Variants in L3MBTL4 observed in about 807,000 individuals in gnomAD.
The protein encoded by L3MBTL4 is lethal(3)malignant brain tumor-like protein 4.
In L3MBTL4, 70 loss-of-function variants were observed where a neutral mutation model predicts 84.5. The ratio of observed to expected loss-of-function variants is 0.83; its 90% CI spans 0.68 to 1.01. The LOEUF is 1.01. Ranked by LOEUF, L3MBTL4 falls within the 50% of genes least tolerant of loss-of-function variation. The probability of loss-of-function intolerance (pLI) is 0.00; values close to 1 mark genes in which losing one functional copy is unlikely to be tolerated. For missense variants in L3MBTL4, 715 were observed against 754.8 expected (o/e 0.95, Z 0.62); for synonymous variants, 274 against 259.8 (o/e 1.05, Z -0.52).
chr18:6,338,687 A>T (rs184554001), intron 1 of L3MBTL4, among the ~76,000 whole-genome samples: 183 of 152,166 alleles, frequency 1.2e-3, no homozygotes, highest in African/African-American at 4.2e-3. Flanking sequence ...ACTCTAATTA[A>T]AAAACCAAAA....
chr18:6,252,191 T>C (rs183192738), intron 5 of L3MBTL4, among the ~76,000 whole-genome samples: 1,881 of 152,204 alleles, frequency 0.012, 15 homozygotes, highest in South Asian at 0.027. Context: ...TGGGCACCTG[T>C]AATCCCAGCT....
intron 16 of L3MBTL4, among the ~76,000 whole-genome samples, chr18:5,980,571 A>G (rs1035999451): frequency 6.6e-6 from 1 of 151,548 alleles, no homozygotes; most frequent in African/African-American, 2.4e-5. Flanking sequence ...AGCTGGGATT[A>G]CAGGCTTGCA....
chr18:6,109,838 T>C (rs598089), intron 14 of L3MBTL4, among the ~76,000 whole-genome samples: 2 of 152,126 alleles, frequency 1.3e-5, no homozygotes, highest in African/African-American at 4.8e-5. Flanking sequence ...TTTCATTTGG[T>C]CTTTTTCTAA....
chr18:6,038,985 C>A (rs1291474281), intron 16 of L3MBTL4, among the ~76,000 whole-genome samples: 1 of 151,870 alleles, frequency 6.6e-6, no homozygotes, highest in Non-Finnish European at 1.5e-5. Flanking sequence ...CCAGAGAGCA[C>A]CTACTCTCTC....
At chr18:6,283,659 C>T (rs1180693823) in intron 4 of L3MBTL4, among the ~76,000 whole-genome samples, 9 of 152,092 alleles carry the variant, frequency 5.9e-5, no homozygotes, top group African/African-American at 1.7e-4. Context: ...TTAGTATCTC[C>T]CTAGAGTCAA....
chr18:6,196,378 T>C (rs9957058), intron 12 of L3MBTL4, among the ~76,000 whole-genome samples: 19,954 of 152,054 alleles, frequency 0.13, 1,375 homozygotes, highest in Middle Eastern at 0.2. Flanking sequence ...AGGATGGTCT[T>C]GATCTCCTGA....
intron 1 of L3MBTL4, among the ~76,000 whole-genome samples, chr18:6,316,502 TC>T (rs2051107105): frequency 6.6e-6 from 1 of 152,188 alleles, no homozygotes. Context: ...TTCTTTTCTC[TC>T]TTATCCATTA....
chr18:6,081,030 A>G (rs2058060200), intron 15 of L3MBTL4, 79 bp from the exon 16 acceptor site: 1 of 1,012,500 alleles, frequency 9.9e-7, no homozygotes, highest in Non-Finnish European at 1.5e-6. Flanking sequence ...CACAAATTTA[A>G]ATAGAAACTG....
intron 16 of L3MBTL4, among the ~76,000 whole-genome samples, chr18:5,996,373 A>T (rs1287972283): frequency 6.6e-6 from 1 of 152,240 alleles, no homozygotes; most frequent in Non-Finnish European, 1.5e-5. Context: ...GATTTGCTTC[A>T]GCCTCAAAGA....
chr18:6,121,521 CT>C (rs2059526672), intron 14 of L3MBTL4, among the ~76,000 whole-genome samples: 1 of 152,178 alleles, frequency 6.6e-6, no homozygotes, highest in South Asian at 2.1e-4. Context: ...ATTTTCATAA[CT>C]AAAGCTTTTA....
intron 4 of L3MBTL4, among the ~76,000 whole-genome samples, chr18:6,276,308 C>A (rs898398823): frequency 1.3e-5 from 2 of 152,098 alleles, no homozygotes; most frequent in African/African-American, 4.8e-5. Context: ...GCAGCCTTAA[C>A]CTTGGCAAAA....
intron 1 of L3MBTL4, among the ~76,000 whole-genome samples, chr18:6,344,157 C>G (rs1375569099): frequency 6.6e-6 from 1 of 151,674 alleles, no homozygotes; most frequent in Non-Finnish European, 1.5e-5. Flanking sequence ...GCCATACTAA[C>G]AATGAAAAAA....
At chr18:6,222,951 A>ATAATATAAT (rs1323760458) in intron 10 of L3MBTL4, among the ~76,000 whole-genome samples, 6 of 134,018 alleles carry the variant, frequency 4.5e-5, no homozygotes, top group African/African-American at 2.0e-4. Flanking sequence ...TTTTTCTATT[A>ATAATATAAT]TAATATAATA....
At chr18:6,055,414 G>A (rs542743806) in intron 16 of L3MBTL4, among the ~76,000 whole-genome samples, 15 of 152,156 alleles carry the variant, frequency 9.9e-5, no homozygotes, top group African/African-American at 9.7e-5. Context: ...TGCCCCAACC[G>A]TTAAGAGGAA....
intron 5 of L3MBTL4, among the ~76,000 whole-genome samples, chr18:6,261,737 G>T (rs1280664045): frequency 1.3e-5 from 2 of 152,196 alleles, no homozygotes; most frequent in Non-Finnish European, 2.9e-5. Flanking sequence ...ATCTGAAGGA[G>T]AAATTCTCAA....
chr18:6,031,375 G>T (rs1282018783), intron 16 of L3MBTL4: 1 of 985,432 alleles, frequency 1.0e-6, no homozygotes, highest in African/African-American at 1.7e-5. Flanking sequence ...GATAGCAAGA[G>T]AATGTATATG....
chr18:6,333,749 T>A (rs893210854), intron 1 of L3MBTL4, among the ~76,000 whole-genome samples: 1 of 152,174 alleles, frequency 6.6e-6, no homozygotes, highest in African/African-American at 2.4e-5. Flanking sequence ...GACATCTTTT[T>A]TCTGTCATCA....
intron 1 of L3MBTL4, among the ~76,000 whole-genome samples, chr18:6,389,473 C>A (rs1406265682): frequency 3.3e-5 from 5 of 151,854 alleles, no homozygotes; most frequent in Non-Finnish European, 5.9e-5. Context: ...ACATAAATTG[C>A]CTAAATGATC....
chr18:5,996,335 A>G lies in L3MBTL4; in HGVS notation c.1445-26773T>C, dbSNP rs888648323. ...CAATAACTCCAAGAACAGTTTTTAT[A>G]TTTCATCTCCACACTGAAAATCAGT... is the stretch of plus-strand genomic sequence containing the variant. On this transcript the variant is annotated intron_variant, in intron 16 of 18. Transcript: ENST00000317931. Among the ~76,000 whole-genome samples, 6 of 152,154 alleles carry G rather than the reference A, an allele frequency of 3.9e-5. No individual in the cohort carries two copies. In the South Asian group the frequency reaches 1.2e-3, roughly 32 times the overall value.
Sources: gnomAD v4.1 joint callset for allele counts (sites outside exome capture counted in the v4.1 genomes callset) on GRCh38, gnomAD v4.1.1 for gene constraint, MANE v1.5 for transcripts, NCBI Gene and HGNC (gene_info 2026-07-23, HGNC 2026-07-21) for gene names.